The following FBXW11 variants were observed in gnomAD, a reference collection of about 807,000 sequenced individuals.
FBXW11 encodes F-box/WD repeat-containing protein 11.
In FBXW11, 19 loss-of-function variants were observed where a neutral mutation model predicts 77.6. The ratio of observed to expected loss-of-function variants is 0.24; its 90% CI spans 0.17 to 0.36. FBXW11 has a LOEUF of 0.36. Ranked by LOEUF, FBXW11 falls within the 10% of genes least tolerant of loss-of-function variation. FBXW11 has a pLI of 1.00. For synonymous variants in FBXW11, 235 were observed against 249.4 expected (o/e 0.94, Z 0.54); for missense variants, 334 against 704.2 (o/e 0.47, Z 5.95).
intron 7 of FBXW11, among the ~76,000 whole-genome samples, chr5:171,888,019 T>C (rs2113828836): frequency 6.6e-6 from 1 of 152,248 alleles, no homozygotes; most frequent in African/African-American, 2.4e-5. Context: ...CAGGAAGCTA[T>C]ACAGTGAAAT....
intron 13 of FBXW11, among the ~76,000 whole-genome samples, chr5:171,867,507 G>A (rs748539761): frequency 4.6e-4 from 68 of 147,154 alleles, no homozygotes; most frequent in Non-Finnish European, 8.9e-4. Flanking sequence ...AAAAAAAAAC[G>A]GGTAGTGAGT....
chr5:171,884,238 G>C (rs1422340724), intron 7 of FBXW11, among the ~76,000 whole-genome samples: 1 of 152,182 alleles, frequency 6.6e-6, no homozygotes, highest in Non-Finnish European at 1.5e-5. Context: ...TGAGGATCCA[G>C]TTTCATTCTC....
chr5:171,943,246 T>C (rs1205512891), intron 2 of FBXW11, among the ~76,000 whole-genome samples: 1 of 152,214 alleles, frequency 6.6e-6, no homozygotes, highest in Non-Finnish European at 1.5e-5. Flanking sequence ...GCATGGGACA[T>C]AGTAGGACTC....
chr5:171,921,613 T>G (rs1761601488), intron 2 of FBXW11, among the ~76,000 whole-genome samples: 1 of 151,856 alleles, frequency 6.6e-6, no homozygotes, highest in African/African-American at 2.4e-5. Flanking sequence ...AATAACAAAT[T>G]CATATAAAAA....
chr5:171,872,801 T>C lies in FBXW11; in HGVS notation c.1340+71A>G, dbSNP rs1163914610. ...ATTTACCCTGAGTTGTTTTGAGCATTAGAACTAGGAGATGAGTCAACAATG... is the reference window on the plus strand; with the variant it reads ...ATTTACCCTGAGTTGTTTTGAGCATCAGAACTAGGAGATGAGTCAACAATG... On this transcript the variant is annotated intron_variant, in intron 10 of 13. Transcript: ENST00000517395. 1.1e-5 allele frequency: 12 copies of C among 1,089,376 alleles called. No homozygotes were observed. In the Admixed American group the frequency reaches 1.8e-4, roughly 16 times the overall value. The allele number at this position is 1,089,376 out of a possible 1,614,324, so 67.5% of individuals were successfully genotyped here.
At chr5:171,988,802 G>A (rs905583424) in intron 1 of FBXW11, among the ~76,000 whole-genome samples, 1 of 151,224 alleles carries the variant, frequency 6.6e-6, no homozygotes, top group South Asian at 2.1e-4. Context: ...CTGAGATCAC[G>A]CCACTGCACT....
At position 171,876,023 on chromosome 5, in the gene FBXW11, G is replaced by A. The variant is rs1468475099; in HGVS notation, c.1221+262C>T. Among the ~76,000 whole-genome samples the A allele has an allele frequency of 2.0e-5, 3 of 152,034 alleles. No homozygotes were observed. Among genetic ancestry groups the A allele is most frequent in the Admixed American group, 6.5e-5 (1 of 15,268 alleles). On this transcript the variant is annotated intron_variant, in intron 9 of 13. Transcript: ENST00000517395. This position sits in a 1 kb window ranked among gnomAD's most constrained non-coding sequence, Gnocchi z 4.2. ...CCAACACACAATACATGATCAACAC[G>A]TTAGCACTCTTCCCCTTAAAAAGGT... is the stretch of plus-strand genomic sequence containing the variant.
chr5:171,945,284 G>A lies in FBXW11; in HGVS notation c.147+12313C>T, dbSNP rs770994697. ...ACAACATAAATAGCATTCCTATTGC[G>A]TAATTGACCTGGGATTTAGAAAAGT... On this transcript the variant is annotated intron_variant, in intron 2 of 13. Coordinates refer to ENST00000517395, the MANE Select transcript of FBXW11 (RefSeq NM_001378974.1). Among the ~76,000 whole-genome samples the A allele has an allele frequency of 1.2e-4, 18 of 152,332 alleles. No homozygotes were observed. In the East Asian group the frequency reaches 2.7e-3, roughly 23 times the overall value.
intron 4 of FBXW11, among the ~76,000 whole-genome samples, chr5:171,908,175 C>T (rs839287): frequency 0.86 from 131,266 of 152,182 alleles, 57,864 homozygotes; most frequent in East Asian, 1. Context: ...TTGAGTTCTG[C>T]ACATACAGAG....
chr5:171,980,491 C>T (rs1464825010), intron 1 of FBXW11, among the ~76,000 whole-genome samples: 1 of 152,094 alleles, frequency 6.6e-6, no homozygotes, highest in Non-Finnish European at 1.5e-5. Context: ...GGACTAATTT[C>T]CAGACTATAA....
intron 7 of FBXW11, among the ~76,000 whole-genome samples, chr5:171,890,634 G>C (rs1265921075): frequency 6.6e-6 from 1 of 152,060 alleles, no homozygotes; most frequent in Non-Finnish European, 1.5e-5. Context: ...TTCACGCAAT[G>C]AACTAAAAAT....
At chr5:171,916,723 C>A (rs970883479) in intron 2 of FBXW11, among the ~76,000 whole-genome samples, 1 of 152,020 alleles carries the variant, frequency 6.6e-6, no homozygotes, top group Non-Finnish European at 1.5e-5. Context: ...TGCAAGGCCA[C>A]AATGTCTGGG....
intron 2 of FBXW11, among the ~76,000 whole-genome samples, chr5:171,917,395 A>C (rs552249799): frequency 6.6e-6 from 1 of 152,278 alleles, no homozygotes; most frequent in Admixed American, 6.5e-5. Context: ...AGAAAATTTC[A>C]CTCTTCATTT....
chr5:171,974,996 G>A (rs1372431037), intron 1 of FBXW11, among the ~76,000 whole-genome samples: 1 of 152,028 alleles, frequency 6.6e-6, no homozygotes, highest in Admixed American at 6.6e-5. Flanking sequence ...GTTTCACTGT[G>A]TTGGTCAGGC....
intron 1 of FBXW11, chr5:171,996,846 G>T: frequency 8.3e-7 from 1 of 1,200,538 alleles, no homozygotes; most frequent in Non-Finnish European, 1.1e-6. Flanking sequence ...TTCTTTCAGC[G>T]AGTTGAGTTC....
Position 171,909,685 on chromosome 5 carries a change from A to ATGTG in FBXW11, c.436+883_436+886dup, listed in dbSNP as rs111850090. Among the ~76,000 whole-genome samples, 372 of 150,034 alleles carry ATGTG rather than the reference A, an allele frequency of 2.5e-3. 2 individuals carry two copies. The highest frequency in any genetic ancestry group is 7.8e-3 in the African/African-American group (318 of 40,968). On this transcript the variant is annotated intron_variant, in intron 4 of 13. Transcript: ENST00000517395. ...TAAAAATCAAAGTAAATTTAACCAG[A>ATGTG]TGTGTGTGTGTGTGTGTGTGTGCAC...
intron 1 of FBXW11, among the ~76,000 whole-genome samples, chr5:171,970,064 C>G (rs1157937149): frequency 6.6e-6 from 1 of 152,152 alleles, no homozygotes; most frequent in Non-Finnish European, 1.5e-5. Flanking sequence ...CTTTGAAAGT[C>G]CATCTAACAT....
intron 4 of FBXW11, among the ~76,000 whole-genome samples, chr5:171,907,693 A>G (rs569356655): frequency 6.6e-6 from 1 of 152,374 alleles, no homozygotes; most frequent in Admixed American, 6.5e-5. Flanking sequence ...CATTCATTTC[A>G]TGTAATATTC....
chr5:171,978,368 A>G (rs567184450), intron 1 of FBXW11, among the ~76,000 whole-genome samples: 6 of 152,342 alleles, frequency 3.9e-5, no homozygotes, highest in East Asian at 3.9e-4. Flanking sequence ...CTCCACATAT[A>G]TAAGTTTTTT....
Sources: gnomAD v4.1 joint callset for allele counts (sites outside exome capture counted in the v4.1 genomes callset) on GRCh38, gnomAD v4.1.1 for gene constraint, Gnocchi (gnomAD v3.1) non-coding constraint, MANE v1.5 for transcripts, NCBI Gene and HGNC (gene_info 2026-07-23, HGNC 2026-07-21) for gene names.